The following PALLD variants were observed in gnomAD, a reference collection of about 807,000 sequenced individuals.
PALLD encodes palladin, cytoskeletal associated protein.
A neutral mutation model predicts 123.5 loss-of-function variants in PALLD; 61 were observed. The ratio of observed to expected loss-of-function variants is 0.49; its 90% CI spans 0.40 to 0.61. The LOEUF is 0.61. Ranked by LOEUF, PALLD falls within the 20% of genes least tolerant of loss-of-function variation. The pLI is 0.00. For missense variants in PALLD, 1,273 were observed against 1,377.0 expected (o/e 0.92, Z 1.20); for synonymous variants, 465 against 496.4 (o/e 0.94, Z 0.84).
At chr4:168,853,101 A>G (rs1375516670) in intron 10 of PALLD, among the ~76,000 whole-genome samples, 1 of 152,250 alleles carries the variant, frequency 6.6e-6, no homozygotes, top group Non-Finnish European at 1.5e-5. Flanking sequence ...ACACATAGCT[A>G]ATTATTGATA....
intron 13 of PALLD, 51 bp from the exon 14 acceptor site, chr4:168,898,442 C>T (rs747205936): frequency 8.5e-7 from 1 of 1,170,636 alleles, no homozygotes; most frequent in East Asian, 2.4e-5. Flanking sequence ...AGAGACGTGA[C>T]ACTTTGTCAG....
At chr4:168,744,347 T>C (rs1187338438) in intron 10 of PALLD, among the ~76,000 whole-genome samples, 1 of 152,186 alleles carries the variant, frequency 6.6e-6, no homozygotes, top group Non-Finnish European at 1.5e-5. Context: ...AGTATCTCTG[T>C]TGGGCCAGTT....
intron 10 of PALLD, among the ~76,000 whole-genome samples, chr4:168,778,461 C>T (rs1430644831): frequency 2.6e-5 from 4 of 152,138 alleles, no homozygotes; most frequent in African/African-American, 4.8e-5. Flanking sequence ...AAAGTAGAGG[C>T]TTAAGCTTGC....
chr4:168,790,214 T>A (rs1257996008), intron 10 of PALLD, among the ~76,000 whole-genome samples: 1 of 150,038 alleles, frequency 6.7e-6, no homozygotes, highest in Non-Finnish European at 1.5e-5. Flanking sequence ...CAGGCTGGAA[T>A]GCAATGGCGT....
At position 168,924,257 on chromosome 4, in the gene PALLD, AAAG is replaced by A. The variant is rs1465243169; in HGVS notation, c.3065_3067del (p.Glu1022del). The A allele has an allele frequency of 6.2e-7, 1 of 1,613,400 alleles. No homozygotes were observed. Among genetic ancestry groups the A allele is most frequent in the Non-Finnish European group, 8.5e-7 (1 of 1,179,486 alleles). ...GAATTCATCTCATGTTTTCTTAGCT[AAAG>A]AAGCACACAAACCCCCTGTGTTTAT... is the stretch of plus-strand genomic sequence containing the variant. On this transcript the variant is annotated inframe_deletion, in exon 19 of 22. Transcript: ENST00000505667.
At chr4:168,755,622 A>G (rs2150406466) in intron 10 of PALLD, among the ~76,000 whole-genome samples, 1 of 152,288 alleles carries the variant, frequency 6.6e-6, no homozygotes, top group East Asian at 1.9e-4. Context: ...CAAGCAAGGA[A>G]GTTATGTGAT....
chr4:168,856,189 A>T, intron 10 of PALLD, among the ~76,000 whole-genome samples: 1 of 152,172 alleles, frequency 6.6e-6, no homozygotes, highest in Admixed American at 6.5e-5. Flanking sequence ...TCTTTGTTGT[A>T]GCTGTATAGT....
At chr4:168,587,167 G>A (rs943586954) in intron 2 of PALLD, among the ~76,000 whole-genome samples, 1 of 152,146 alleles carries the variant, frequency 6.6e-6, no homozygotes, top group Non-Finnish European at 1.5e-5. Flanking sequence ...AAGAATGCGG[G>A]TGTGTAGATA....
chr4:168,831,721 A>G (rs893047128), intron 10 of PALLD, among the ~76,000 whole-genome samples: 2 of 152,152 alleles, frequency 1.3e-5, no homozygotes, highest in African/African-American at 4.8e-5. Context: ...TTTAGTCTGT[A>G]AAGGAAAAAA....
chr4:168,540,806 GAAA>G (rs137855493), intron 2 of PALLD, among the ~76,000 whole-genome samples: 1 of 143,502 alleles, frequency 7.0e-6, no homozygotes. Flanking sequence ...CAGGTGGGAA[GAAA>G]AAAAAAAAAA....
intron 10 of PALLD, among the ~76,000 whole-genome samples, chr4:168,721,826 CT>C (rs1038584810): frequency 2.0e-5 from 3 of 152,122 alleles, no homozygotes; most frequent in African/African-American, 7.2e-5. Flanking sequence ...GTGGGATCTC[CT>C]TCTAGAAACC....
chr4:168,641,125 A>G (rs757913263), intron 2 of PALLD, among the ~76,000 whole-genome samples: 6 of 151,758 alleles, frequency 4.0e-5, no homozygotes, highest in Admixed American at 6.6e-5. Flanking sequence ...GGAGAATGGC[A>G]TGAACCTGGG....
intron 1 of PALLD, among the ~76,000 whole-genome samples, chr4:168,504,329 C>T (rs1761761740): frequency 6.6e-6 from 1 of 152,190 alleles, no homozygotes; most frequent in Admixed American, 6.5e-5. Context: ...GGCATGGTGG[C>T]TCACACCTGT....
chr4:168,926,954 T>TAATA lies in PALLD; in HGVS notation c.*775_*778dup, dbSNP rs1350219548. On this transcript the variant is annotated 3_prime_UTR_variant, in exon 22 of 22. Coordinates refer to ENST00000505667, the MANE Select transcript of PALLD (RefSeq NM_001166108.2). Reference sequence around the variant, plus strand: ...GGAAGGAACTACTTGCCTTAAATGTTAATATCAAAAGAGTTTTCTAACAAG... The same window carrying TAATA: ...GGAAGGAACTACTTGCCTTAAATGTTAATAAATATCAAAAGAGTTTTCTAACAAG... The TAATA allele has an allele frequency of 3.6e-5, 8 of 219,822 alleles. No homozygotes were observed. The highest frequency in any genetic ancestry group is 1.6e-4 in the African/African-American group (7 of 44,760). 13.6% of individuals were successfully genotyped at this position (219,822 alleles called of 1,614,324 possible). A position where few individuals can be genotyped will look rare whatever the true frequency, so the allele number is the denominator to read the frequency against.
At chr4:168,838,805 T>C (rs1182876553) in intron 10 of PALLD, among the ~76,000 whole-genome samples, 1 of 151,832 alleles carries the variant, frequency 6.6e-6, no homozygotes, top group Non-Finnish European at 1.5e-5. Context: ...TCATTTAAGC[T>C]TTTCGTCCTA....
chr4:168,789,973 C>T (rs534759764), intron 10 of PALLD, among the ~76,000 whole-genome samples: 19 of 151,864 alleles, frequency 1.3e-4, no homozygotes, highest in Non-Finnish European at 2.1e-4. Flanking sequence ...CAAATTTAAA[C>T]GGTATCTTCC....
At chr4:168,816,589 G>A (rs1741987840) in intron 10 of PALLD, among the ~76,000 whole-genome samples, 2 of 151,740 alleles carry the variant, frequency 1.3e-5, no homozygotes, top group South Asian at 4.2e-4. Flanking sequence ...TTTTTTTGGT[G>A]GTGGTTGTTT....
intron 2 of PALLD, among the ~76,000 whole-genome samples, chr4:168,616,176 C>T (rs751089211): frequency 2.0e-5 from 3 of 152,130 alleles, no homozygotes; most frequent in Non-Finnish European, 4.4e-5. Flanking sequence ...GTACTCCCCA[C>T]GCTATCTTCT....
intron 2 of PALLD, among the ~76,000 whole-genome samples, chr4:168,594,736 C>T (rs987010850): frequency 3.3e-5 from 5 of 152,064 alleles, no homozygotes; most frequent in African/African-American, 9.7e-5. Flanking sequence ...TTATTAGGCT[C>T]CTGAAGTCTG....
Sources: gnomAD v4.1 joint callset for allele counts (sites outside exome capture counted in the v4.1 genomes callset) on GRCh38, gnomAD v4.1.1 for gene constraint, MANE v1.5 for transcripts, NCBI Gene and HGNC (gene_info 2026-07-23, HGNC 2026-07-21) for gene names.